Variants in PRKG1 observed in about 807,000 individuals in gnomAD.
PRKG1 encodes cGMP-dependent protein kinase 1.
PRKG1 carries 35 observed loss-of-function variants against 88.1 expected under a neutral mutation model. The observed-to-expected ratio is 0.40, with a 90% CI of 0.30 to 0.53. The LOEUF is 0.53. PRKG1 is among the 20% of genes least tolerant of loss of function. PRKG1 has a pLI of 0.59. For synonymous variants in PRKG1, 303 were observed against 292.5 expected (o/e 1.04, Z -0.37); for missense variants, 540 against 839.8 (o/e 0.64, Z 4.41).
intron 8 of PRKG1, among the ~76,000 whole-genome samples, chr10:52,150,976 A>C (rs1439981721): frequency 2.6e-5 from 4 of 151,636 alleles, no homozygotes. Context: ...TATTGTTTTT[A>C]ATAAATATGG....
intron 3 of PRKG1, among the ~76,000 whole-genome samples, chr10:51,581,677 C>T: frequency 6.6e-6 from 1 of 151,982 alleles, no homozygotes; most frequent in East Asian, 1.9e-4. Context: ...ATTGTCTTTA[C>T]ACAATCTTGC....
chr10:51,865,397 A>G (rs1186076993), intron 4 of PRKG1, among the ~76,000 whole-genome samples: 1 of 150,036 alleles, frequency 6.7e-6, no homozygotes, highest in East Asian at 1.9e-4. Flanking sequence ...TCTAATAGTG[A>G]AGAATATTTT....
chr10:51,740,903 T>A (rs1837415867), intron 3 of PRKG1, among the ~76,000 whole-genome samples: 1 of 150,732 alleles, frequency 6.6e-6, no homozygotes, highest in South Asian at 2.1e-4. Context: ...CCTGCATTGA[T>A]TGCCCATTGA....
At chr10:52,134,035 G>T (rs1837337190) in intron 8 of PRKG1, 130 bp downstream of exon 8, 1 of 738,156 alleles carries the variant, frequency 1.4e-6, no homozygotes. Context: ...AATGAATTCT[G>T]TATTTGTTTC....
At chr10:51,851,959 C>CAAGGGATGG (rs1322022022) in intron 4 of PRKG1, among the ~76,000 whole-genome samples, 18 of 151,926 alleles carry the variant, frequency 1.2e-4, no homozygotes, top group African/African-American at 4.1e-4. Context: ...TCGCCATGGT[C>CAAGGGATGG]AAGGGATGGA....
At chr10:51,221,553 G>C (rs1838530564) in intron 2 of PRKG1, among the ~76,000 whole-genome samples, 1 of 150,670 alleles carries the variant, frequency 6.6e-6, no homozygotes, top group South Asian at 2.1e-4. Context: ...TTTTTACATG[G>C]TTCCTTGGTT....
At chr10:51,186,609 G>A (rs911651711) in intron 2 of PRKG1, among the ~76,000 whole-genome samples, 9 of 151,898 alleles carry the variant, frequency 5.9e-5, no homozygotes, top group Non-Finnish European at 1.0e-4. Flanking sequence ...GCCAAGTTAT[G>A]TTTCCAGACT....
chr10:51,554,076 G>A (rs183985527), intron 3 of PRKG1, among the ~76,000 whole-genome samples: 191 of 129,604 alleles, frequency 1.5e-3, no homozygotes, highest in Non-Finnish European at 2.1e-3. Context: ...TATTATATGT[G>A]CGTATGTGAT....
chr10:51,639,106 T>C (rs1202714031), intron 3 of PRKG1, among the ~76,000 whole-genome samples: 3 of 150,986 alleles, frequency 2.0e-5, no homozygotes, highest in African/African-American at 7.3e-5. Flanking sequence ...ATAGAAGAGG[T>C]GAGGATTGAG....
chr10:51,171,239 A>C (rs1846697196), intron 2 of PRKG1, among the ~76,000 whole-genome samples: 1 of 152,174 alleles, frequency 6.6e-6, no homozygotes, highest in African/African-American at 2.4e-5. Context: ...ACTAACTGAC[A>C]AAACTCTCAG....
chr10:51,941,532 A>G (rs1277088142), intron 5 of PRKG1, among the ~76,000 whole-genome samples: 4 of 151,880 alleles, frequency 2.6e-5, no homozygotes, highest in African/African-American at 4.9e-5. Context: ...TACATGTGCC[A>G]TGCTGGTGTG....
intron 5 of PRKG1, among the ~76,000 whole-genome samples, chr10:52,016,558 A>G (rs1243940232): frequency 6.6e-6 from 1 of 152,222 alleles, no homozygotes; most frequent in Non-Finnish European, 1.5e-5. Flanking sequence ...AAGTGAAAGA[A>G]CGACAGGCAT....
At chr10:51,078,052 C>A (rs1021695069) in intron 1 of PRKG1, among the ~76,000 whole-genome samples, 1 of 152,126 alleles carries the variant, frequency 6.6e-6, no homozygotes, top group African/African-American at 2.4e-5. Context: ...TTGATCTAAA[C>A]CCCTTATCTT....
chr10:51,094,415 G>A (rs995786737), intron 1 of PRKG1, among the ~76,000 whole-genome samples: 3 of 151,980 alleles, frequency 2.0e-5, no homozygotes, highest in African/African-American at 7.2e-5. Flanking sequence ...AATGGGTCGT[G>A]TTTGGTTTTG....
intron 2 of PRKG1, among the ~76,000 whole-genome samples, chr10:51,164,157 C>T (rs902764845): frequency 1.3e-5 from 2 of 152,184 alleles, no homozygotes; most frequent in Admixed American, 6.5e-5. Flanking sequence ...CCAGTAGGGG[C>T]AGACTGACAC....
At chr10:51,877,465 G>A (rs1231635478) in intron 4 of PRKG1, among the ~76,000 whole-genome samples, 1 of 152,008 alleles carries the variant, frequency 6.6e-6, no homozygotes, top group Non-Finnish European at 1.5e-5. Context: ...ACAATTTGTT[G>A]AGCAGCATTT....
chr10:52,154,270 G>C (rs1362714460), intron 8 of PRKG1, among the ~76,000 whole-genome samples: 1 of 152,120 alleles, frequency 6.6e-6, no homozygotes, highest in Non-Finnish European at 1.5e-5. Flanking sequence ...CTTGTATGCA[G>C]CTTTTACCAA....
intron 4 of PRKG1, among the ~76,000 whole-genome samples, chr10:51,808,066 G>A (rs1839353532): frequency 6.6e-6 from 1 of 152,068 alleles, no homozygotes; most frequent in Non-Finnish European, 1.5e-5. Context: ...TTAAGAGATG[G>A]CATAATAGCC....
intron 9 of PRKG1, among the ~76,000 whole-genome samples, chr10:52,247,368 A>T (rs961490464): frequency 1.3e-5 from 2 of 152,178 alleles, no homozygotes; most frequent in African/African-American, 4.8e-5. Context: ...AAATTGCATG[A>T]AACTGGGCCT....
Sources: gnomAD v4.1 joint callset for allele counts (sites outside exome capture counted in the v4.1 genomes callset) on GRCh38, gnomAD v4.1.1 for gene constraint, MANE v1.5 for transcripts, NCBI Gene and HGNC (gene_info 2026-07-23, HGNC 2026-07-21) for gene names.